The following NCAM2 variants were observed in gnomAD, a reference collection of about 807,000 sequenced individuals.
The protein encoded by NCAM2 is N-CAM-2.
NCAM2 carries 30 observed loss-of-function variants against 98.1 expected under a neutral mutation model. That is an observed-to-expected ratio of 0.31 (90% CI 0.23 to 0.41). The LOEUF (loss-of-function observed/expected upper bound fraction) is 0.41. Ranked by LOEUF, NCAM2 falls within the 10% of genes least tolerant of loss-of-function variation. The pLI is 1.00. For synonymous variants in NCAM2, 368 were observed against 342.4 expected (o/e 1.07, Z -0.83); for missense variants, 867 against 1,005.8 (o/e 0.86, Z 1.87).
intron 1 of NCAM2, among the ~76,000 whole-genome samples, chr21:21,266,275 C>G (rs1246978255): frequency 6.6e-6 from 1 of 151,990 alleles, no homozygotes; most frequent in Non-Finnish European, 1.5e-5. Flanking sequence ...ACTAATTCAA[C>G]TACTGTATTC....
chr21:21,508,719 T>C, intron 15 of NCAM2, 132 bp from the exon 16 acceptor site: 1 of 707,186 alleles, frequency 1.4e-6, no homozygotes, highest in Middle Eastern at 4.3e-4. Flanking sequence ...ATGACTTTAT[T>C]CTGTCTCTTA....
At chr21:21,090,238 G>T (rs765900710) in intron 1 of NCAM2, among the ~76,000 whole-genome samples, 3 of 152,030 alleles carry the variant, frequency 2.0e-5, no homozygotes, top group African/African-American at 4.8e-5. Context: ...CAGATATGCT[G>T]ACTTTTTAAA....
At chr21:21,521,733 CA>C (rs1176827472) in intron 16 of NCAM2, among the ~76,000 whole-genome samples, 1 of 151,606 alleles carries the variant, frequency 6.6e-6, no homozygotes, top group East Asian at 1.9e-4. Flanking sequence ...CTCAAACAAA[CA>C]AATAAACTAA....
chr21:21,253,936 C>T (rs115508923), intron 1 of NCAM2, among the ~76,000 whole-genome samples: 2,148 of 152,006 alleles, frequency 0.014, 44 homozygotes, highest in African/African-American at 0.049. Context: ...TGATTTTATC[C>T]GAGTATACAG....
chr21:21,394,039 A>G (rs967727417), intron 9 of NCAM2, among the ~76,000 whole-genome samples: 12 of 152,330 alleles, frequency 7.9e-5, no homozygotes, highest in African/African-American at 2.6e-4. Context: ...AAGAAGTCAC[A>G]TATAGGTATT....
At chr21:21,469,191 T>G (rs945464624) in intron 14 of NCAM2, among the ~76,000 whole-genome samples, 5 of 152,024 alleles carry the variant, frequency 3.3e-5, no homozygotes, top group Non-Finnish European at 5.9e-5. Context: ...TAATTTGACT[T>G]ACTTATCCAT....
intron 1 of NCAM2, among the ~76,000 whole-genome samples, chr21:21,102,705 G>C (rs892722177): frequency 1.3e-5 from 2 of 151,930 alleles, no homozygotes; most frequent in African/African-American, 2.4e-5. Flanking sequence ...AAAAAATCCA[G>C]TGGAAAATAT....
intron 16 of NCAM2, among the ~76,000 whole-genome samples, chr21:21,526,205 A>T (rs957084136): frequency 2.0e-5 from 3 of 152,074 alleles, no homozygotes; most frequent in Admixed American, 6.5e-5. Flanking sequence ...TTGTTTGCAG[A>T]TGACATGATA....
chr21:21,506,065 T>C (rs112498368), intron 15 of NCAM2, among the ~76,000 whole-genome samples: 197 of 152,126 alleles, frequency 1.3e-3, no homozygotes, highest in African/African-American at 4.4e-3. Context: ...GAAAGGTAAA[T>C]GGGAATGTGT....
chr21:21,336,336 T>C (rs149093289), intron 7 of NCAM2, among the ~76,000 whole-genome samples: 6 of 151,536 alleles, frequency 4.0e-5, no homozygotes, highest in Non-Finnish European at 7.4e-5. Context: ...AACACTGTTA[T>C]TGAAATGCTT....
chr21:21,073,734 T>C (rs1415600169), intron 1 of NCAM2, among the ~76,000 whole-genome samples: 13 of 152,186 alleles, frequency 8.5e-5, no homozygotes. Flanking sequence ...AACCACATTG[T>C]CCAGTCCAGT....
chr21:21,393,427 GC>G (rs1167097345), intron 9 of NCAM2, among the ~76,000 whole-genome samples: 2 of 152,072 alleles, frequency 1.3e-5, no homozygotes, highest in African/African-American at 4.8e-5. Flanking sequence ...GGCGATCAAT[GC>G]TAAAACGGTT....
Position 21,541,445 on chromosome 21 carries a change from C to A in NCAM2, c.*3488C>A, listed in dbSNP as rs929267064. The A allele has an allele frequency of 6.6e-5, 10 of 151,666 alleles. No homozygotes were observed. The highest frequency in any genetic ancestry group is 2.4e-4 in the African/African-American group (10 of 41,486). 9.4% of individuals were successfully genotyped at this position (151,666 alleles called of 1,614,324 possible). The stretch of plus-strand genomic sequence containing the variant: ...CAAAACAATTCTTTTTATACACACA[C>A]ATGAAATATTCTTAATCTGTTCTGT... On this transcript the variant is annotated 3_prime_UTR_variant, in exon 18 of 18. Coordinates refer to ENST00000400546, the MANE Select transcript of NCAM2 (RefSeq NM_004540.5).
chr21:21,269,480 A>T (rs138491562), intron 1 of NCAM2, among the ~76,000 whole-genome samples: 1 of 152,296 alleles, frequency 6.6e-6, no homozygotes, highest in African/African-American at 2.4e-5. Flanking sequence ...TTGATTATAG[A>T]TGTCGATTTT....
At chr21:21,194,268 G>A (rs915577439) in intron 1 of NCAM2, among the ~76,000 whole-genome samples, 3 of 152,010 alleles carry the variant, frequency 2.0e-5, no homozygotes, top group Non-Finnish European at 4.4e-5. Context: ...TTGCCATGTG[G>A]TTATTCATTT....
chr21:21,046,295 G>A (rs1252618977), intron 1 of NCAM2, among the ~76,000 whole-genome samples: 1 of 152,110 alleles, frequency 6.6e-6, no homozygotes, highest in African/African-American at 2.4e-5. Context: ...CATGCAAATG[G>A]CAGGGGATTA....
chr21:21,328,366 CT>C (rs2074576617), intron 6 of NCAM2, among the ~76,000 whole-genome samples: 1 of 152,112 alleles, frequency 6.6e-6, no homozygotes, highest in Non-Finnish European at 1.5e-5. Context: ...ACTCCTTCTA[CT>C]TATAAAAGAG....
At chr21:21,140,912 G>T (rs2067154280) in intron 1 of NCAM2, among the ~76,000 whole-genome samples, 1 of 152,076 alleles carries the variant, frequency 6.6e-6, no homozygotes, top group African/African-American at 2.4e-5. Flanking sequence ...ACAGTGTGCA[G>T]AAACAACAGA....
At chr21:21,145,521 GATAA>G (rs1396564284) in intron 1 of NCAM2, among the ~76,000 whole-genome samples, 1 of 152,030 alleles carries the variant, frequency 6.6e-6, no homozygotes, top group African/African-American at 2.4e-5. Context: ...AAACATTACA[GATAA>G]ATAGGCATAC....
Sources: gnomAD v4.1 joint callset for allele counts (sites outside exome capture counted in the v4.1 genomes callset) on GRCh38, gnomAD v4.1.1 for gene constraint, MANE v1.5 for transcripts, NCBI Gene and HGNC (gene_info 2026-07-23, HGNC 2026-07-21) for gene names.